SYK: variants seen among roughly 807,000 people sequenced by gnomAD.
SYK encodes the protein spleen associated tyrosine kinase.
SYK carries 16 observed loss-of-function variants against 77.8 expected under a neutral mutation model. The ratio of observed to expected loss-of-function variants is 0.21; its 90% CI spans 0.14 to 0.31. SYK has a LOEUF of 0.31. Ranked by LOEUF, SYK falls within the 10% of genes least tolerant of loss-of-function variation. SYK has a pLI of 1.00. For synonymous variants in SYK, 312 were observed against 308.7 expected, an observed-to-expected ratio of 1.01 and a Z score of -0.11; for missense variants, 529 against 814.4, an observed-to-expected ratio of 0.65 and a Z score of 4.26.
chr9:90,857,700 G>T (rs560719931), intron 3 of SYK, among the ~76,000 whole-genome samples: 64 of 152,188 alleles, frequency 4.2e-4, no homozygotes, highest in African/African-American at 1.5e-3. Context: ...GACCTCATTC[G>T]CTCCCACATC....
At chr9:90,864,199 G>C (rs1827379205) in intron 4 of SYK, among the ~76,000 whole-genome samples, 1 of 152,132 alleles carries the variant, frequency 6.6e-6, no homozygotes, top group South Asian at 2.1e-4. Flanking sequence ...TGTAGACCAG[G>C]GATCTGCAAA....
Position 90,810,256 on chromosome 9 carries a change from G to A in SYK, c.-42+8363G>A, listed in dbSNP as rs1242079403. ...GGTGGCTCCTTCCAAGGGTTGGGTG[G>A]GACAATGTGCCCCCAGCATCTCCTT... On this transcript the variant is annotated intron_variant, in intron 1 of 13. Transcript: ENST00000375754. Among the ~76,000 whole-genome samples the A allele has an allele frequency of 8.5e-5, 13 of 152,238 alleles. 1 individual carries two copies. The Middle Eastern group carries it at 0.027, about 319-fold the overall frequency.
intron 1 of SYK, among the ~76,000 whole-genome samples, chr9:90,814,998 G>A (rs1206792476): frequency 6.6e-6 from 1 of 152,058 alleles, no homozygotes; most frequent in African/African-American, 2.4e-5. Flanking sequence ...AGCACACTTG[G>A]TTCAGAATAG....
At position 90,895,374 on chromosome 9, in the gene SYK, G is replaced by A. The variant is rs769372499; in HGVS notation, c.1836-154G>A. On this transcript the variant is annotated intron_variant, in intron 13 of 13. Coordinates refer to ENST00000375754, the MANE Select transcript of SYK (RefSeq NM_003177.7). The surrounding 1 kb of genome is among the most constrained non-coding windows in gnomAD (Gnocchi z 4.4). ...TTGACAGCCTTGTGGTCACCCTGGGGTGGGGGGCACAGGGACCACGCTGTG... is the reference window on the plus strand; with the variant it reads ...TTGACAGCCTTGTGGTCACCCTGGGATGGGGGGCACAGGGACCACGCTGTG... Among the ~76,000 whole-genome samples, 16 of 152,224 alleles carry A rather than the reference G, an allele frequency of 1.1e-4. No homozygotes were observed. Among genetic ancestry groups the A allele is most frequent in the Non-Finnish European group, 2.1e-4 (14 of 68,042 alleles).
rs370942241 is a variant in SYK, at chr9:90,874,168, G to A, written c.916-36G>A. On this transcript the variant is annotated intron_variant, in intron 7 of 13. Transcript: ENST00000375754. ...AGATCAACTTAACAGTTTTGTGGAT[G>A]AAGAAAAACAACCTGTTGTCCTTTA... 5 of 1,538,280 alleles carry A rather than the reference G, an allele frequency of 3.3e-6. No homozygotes were observed. In the African/African-American group the frequency reaches 6.8e-5, roughly 21 times the overall value.
chr9:90,878,905 T>C lies in SYK; in HGVS notation c.1533T>C (p.Ser511=), dbSNP rs200251333. The change falls in exon 11 of 14, where the codon AGT becomes AGC. Residue 511 remains serine, a synonymous_variant. Coordinates refer to ENST00000375754, the MANE Select transcript of SYK (RefSeq NM_003177.7). Reference sequence around the variant, plus strand: ...TTACCCAACATTACGCCAAGATCAGTGATTTCGGACTTTCCAAAGCACTGC... The same window carrying C: ...TTACCCAACATTACGCCAAGATCAGCGATTTCGGACTTTCCAAAGCACTGC... ...LLVTQHYAKI[S]DFGLSKALRA... is the part of the protein sequence containing the mutation. 56 of 1,614,044 alleles carry C rather than the reference T, an allele frequency of 3.5e-5. No individual in the cohort carries two copies. The highest frequency in any genetic ancestry group is 4.5e-5 in the Non-Finnish European group (53 of 1,179,998).
chr9:90,874,703 A>G lies in SYK; in HGVS notation c.1035A>G (p.Thr345=). 6.2e-7 allele frequency: 1 copy of G among 1,614,134 alleles called. No individual in the cohort carries two copies. The highest frequency in any genetic ancestry group is 8.5e-7 in the Non-Finnish European group (1 of 1,179,990). Residue 345 remains threonine, a synonymous_variant, in exon 9 of 14, where the codon ACA becomes ACG. Coordinates refer to ENST00000375754, the MANE Select transcript of SYK (RefSeq NM_003177.7). ...AGAGAGAAGCCCTACCCATGGACAC[A>G]GAGGTGTACGAGAGCCCCTACGCGG... ...GPQREALPMD[T]EVYESPYADP...
At chr9:90,884,984 A>G (rs1254126623) in intron 11 of SYK, among the ~76,000 whole-genome samples, 1 of 142,532 alleles carries the variant, frequency 7.0e-6, no homozygotes, top group Non-Finnish European at 1.5e-5. Flanking sequence ...TATATACCCA[A>G]CATATATATA....
At chr9:90,862,446 C>T in intron 4 of SYK, 102 bp downstream of exon 4, 4 of 1,372,230 alleles carry the variant, frequency 2.9e-6, no homozygotes, top group Non-Finnish European at 3.9e-6. Context: ...CCACCCACTG[C>T]CCACAGTGTG....
At chr9:90,807,161 C>T (rs1159835800) in intron 1 of SYK, among the ~76,000 whole-genome samples, 2 of 152,232 alleles carry the variant, frequency 1.3e-5, no homozygotes, top group Non-Finnish European at 2.9e-5. Context: ...TGGTCCTACA[C>T]TTCCATGACC....
intron 3 of SYK, among the ~76,000 whole-genome samples, chr9:90,853,059 A>G (rs1415581909): frequency 6.6e-6 from 1 of 151,678 alleles, no homozygotes; most frequent in Middle Eastern, 3.2e-3. Flanking sequence ...AAGGGCAGAG[A>G]TGGGGCTGTT....
At position 90,895,435 on chromosome 9, in the gene SYK, C is replaced by A; in HGVS notation, c.1836-93C>A. The A allele has an allele frequency of 7.5e-7, 1 of 1,327,636 alleles. No homozygotes were observed. Among genetic ancestry groups the A allele is most frequent in the Non-Finnish European group, 1.1e-6 (1 of 932,238 alleles). The allele number at this position is 1,327,636 out of a possible 1,614,324, so 82.2% of individuals were successfully genotyped here. On this transcript the variant is annotated intron_variant, in intron 13 of 13. Coordinates refer to ENST00000375754, the MANE Select transcript of SYK (RefSeq NM_003177.7). This position sits in a 1 kb window ranked among gnomAD's most constrained non-coding sequence, Gnocchi z 4.4. ...CCTAGAGTTAGCCACCAGGGAGCAG[C>A]ACCACTGGTACTCAGCCTGCAGAGG...
In SYK at chr9:90,896,730, A is replaced by G. The variant is rs1350228945; in HGVS notation, c.*1130A>G. ...TTTGATCTTTAAGAAGTCATCACCC[A>G]TTGATTTCAGTTTTGCTGTACCTCT... On this transcript the variant is annotated 3_prime_UTR_variant, in exon 14 of 14. Transcript: ENST00000375754. 2 of 229,670 alleles carry G rather than the reference A, an allele frequency of 8.7e-6. No individual in the cohort carries two copies. Among genetic ancestry groups the G allele is most frequent in the Non-Finnish European group, 1.7e-5 (2 of 115,914 alleles). The allele number at this position is 229,670 out of a possible 1,614,324, so 14.2% of individuals were successfully genotyped here.
intron 1 of SYK, among the ~76,000 whole-genome samples, chr9:90,833,331 A>G (rs1449598556): frequency 4.6e-5 from 7 of 152,246 alleles, no homozygotes; most frequent in Admixed American, 4.6e-4. Flanking sequence ...AGAGAACAAA[A>G]TGTAAACGTA....
intron 7 of SYK, 118 bp downstream of exon 7, chr9:90,867,317 T>A: frequency 9.6e-7 from 1 of 1,046,542 alleles, no homozygotes; most frequent in Non-Finnish European, 1.5e-6. Context: ...CCACTCTGCT[T>A]CCAGGCCTCT....
intron 3 of SYK, among the ~76,000 whole-genome samples, chr9:90,851,820 A>T (rs890441721): frequency 6.6e-6 from 1 of 152,190 alleles, no homozygotes; most frequent in African/African-American, 2.4e-5. Flanking sequence ...AGGATCCAGG[A>T]TTGAGGGGTC....
chr9:90,832,326 T>G (rs941754767), intron 1 of SYK, among the ~76,000 whole-genome samples: 1 of 152,248 alleles, frequency 6.6e-6, no homozygotes, highest in African/African-American at 2.4e-5. Context: ...GAAATGACAC[T>G]ATGAAGATTT....
In SYK at chr9:90,862,295, C is replaced by G; in HGVS notation, c.668C>G (p.Thr223Arg). ...VLHYRIDKDK[T>R]GKLSIPEGKK... ...CACTATCGCATCGACAAAGACAAGACAGGGAAGCTCTCCATCCCCGAGGGA... is the reference window on the plus strand; with the variant it reads ...CACTATCGCATCGACAAAGACAAGAGAGGGAAGCTCTCCATCCCCGAGGGA... The change falls in exon 4 of 14, where the codon ACA becomes AGA. Residue 223 changes from threonine to arginine, a missense_variant. By Grantham distance (71) the Thr-to-Arg change is moderately conservative. Transcript: ENST00000375754. 1 of 1,614,182 alleles carries G rather than the reference C, an allele frequency of 6.2e-7. No individual in the cohort carries two copies. Among genetic ancestry groups the G allele is most frequent in the Non-Finnish European group, 8.5e-7 (1 of 1,179,996 alleles).
At chr9:90,831,122 C>G (rs1168204838) in intron 1 of SYK, among the ~76,000 whole-genome samples, 1 of 152,138 alleles carries the variant, frequency 6.6e-6, no homozygotes, top group African/African-American at 2.4e-5. Flanking sequence ...TGATCTTTTC[C>G]CAGAGAACCA....
Sources: gnomAD v4.1 joint callset for allele counts (sites outside exome capture counted in the v4.1 genomes callset) on GRCh38, gnomAD v4.1.1 for gene constraint, Gnocchi (gnomAD v3.1) non-coding constraint, MANE v1.5 for transcripts, NCBI Gene and HGNC (gene_info 2026-07-23, HGNC 2026-07-21) for gene names.